Variants in BDKRB2 observed in about 807,000 individuals in gnomAD.
The protein encoded by BDKRB2 is bradykinin receptor B2.
A neutral mutation model predicts 4.0 loss-of-function variants in BDKRB2; 6 were observed. The observed-to-expected ratio is 1.49, with a 90% CI of 0.81 to 2.93. BDKRB2 has a LOEUF of 2.93. Among genes scored for constraint, BDKRB2 ranks in the 30% most tolerant of loss-of-function variants. The pLI is 0.00. For synonymous variants in BDKRB2, 225 were observed against 215.3 expected (o/e 1.05, Z -0.40); for missense variants, 478 against 520.1 (o/e 0.92, Z 0.79).
chr14:96,205,608 G>A (rs1890159594), intron 1 of BDKRB2, among the ~76,000 whole-genome samples: 1 of 152,158 alleles, frequency 6.6e-6, no homozygotes, highest in South Asian at 2.1e-4. Flanking sequence ...AGGGGGATAG[G>A]ATGGTGCAGG....
At chr14:96,226,873 C>T (rs759615698) in intron 1 of BDKRB2, among the ~76,000 whole-genome samples, 6 of 152,186 alleles carry the variant, frequency 3.9e-5, no homozygotes, top group Admixed American at 6.5e-5. Context: ...ATTCCAACGG[C>T]GGAAGAAAGA....
chr14:96,206,049 T>C (rs1434456093), intron 1 of BDKRB2, among the ~76,000 whole-genome samples: 1 of 152,076 alleles, frequency 6.6e-6, no homozygotes, highest in Admixed American at 6.5e-5. Context: ...GCTTAGGTGG[T>C]GGGGGAACAG....
At chr14:96,229,346 G>A (rs1178786879) in intron 1 of BDKRB2, among the ~76,000 whole-genome samples, 1 of 152,152 alleles carries the variant, frequency 6.6e-6, no homozygotes, top group Non-Finnish European at 1.5e-5. Flanking sequence ...ACTGGCTTAT[G>A]TGATTGTAGG....
intron 1 of BDKRB2, among the ~76,000 whole-genome samples, chr14:96,229,474 TC>T (rs1890769866): frequency 6.6e-6 from 1 of 152,150 alleles, no homozygotes; most frequent in Non-Finnish European, 1.5e-5. Flanking sequence ...CTGCTCTAAG[TC>T]CTTTCAACTG....
chr14:96,219,587 A>C (rs1890508226), intron 1 of BDKRB2, among the ~76,000 whole-genome samples: 1 of 151,920 alleles, frequency 6.6e-6, no homozygotes, highest in East Asian at 1.9e-4. Flanking sequence ...GTAGCAAAAA[A>C]AAAAAAGAGA....
chr14:96,206,348 T>A (rs999421032), intron 1 of BDKRB2, among the ~76,000 whole-genome samples: 1 of 152,154 alleles, frequency 6.6e-6, no homozygotes, highest in Non-Finnish European at 1.5e-5. Flanking sequence ...AGCCTCTCAC[T>A]GCACTGATGA....
chr14:96,229,422 G>A (rs1166705358), intron 1 of BDKRB2, among the ~76,000 whole-genome samples: 1 of 152,132 alleles, frequency 6.6e-6, no homozygotes, highest in Non-Finnish European at 1.5e-5. Context: ...CGAAGCTCCT[G>A]CCCGCAAGCT....
At chr14:96,234,859 TG>T (rs1306936779) in intron 1 of BDKRB2, among the ~76,000 whole-genome samples, 1 of 152,128 alleles carries the variant, frequency 6.6e-6, no homozygotes, top group African/African-American at 2.4e-5. Flanking sequence ...ATGACTGAGC[TG>T]TGAGGACCTG....
In BDKRB2 at chr14:96,243,502, C is replaced by G. The variant is rs952559746; in HGVS notation, c.*1998C>G. On this transcript the variant is annotated 3_prime_UTR_variant, in exon 3 of 3. Transcript: ENST00000554311. Reference sequence around the variant, plus strand: ...CCTGGAGGGCTAGAACCTGGAAGGGCTAGAACCTGTAGAGCTAGAACATGG... The same window carrying G: ...CCTGGAGGGCTAGAACCTGGAAGGGGTAGAACCTGTAGAGCTAGAACATGG... 1.4e-5 allele frequency: 2 copies of G among 146,056 alleles called. No homozygotes were observed. The highest frequency in any genetic ancestry group is 5.0e-5 in the African/African-American group (2 of 40,066). 9.0% of individuals were successfully genotyped at this position (146,056 alleles called of 1,614,324 possible).
chr14:96,242,041 T>A lies in BDKRB2; in HGVS notation c.*537T>A, dbSNP rs1885306084. On this transcript the variant is annotated 3_prime_UTR_variant, in exon 3 of 3. Coordinates refer to ENST00000554311, the MANE Select transcript of BDKRB2 (RefSeq NM_001379692.1). ...GATAACAACCTGGAGACCAGGATTT[T>A]ATGGCTCCCCTCACTGATGGACAAG... 6.5e-6 allele frequency: 1 copy of A among 153,010 alleles called. No individual in the cohort carries two copies. Among genetic ancestry groups the A allele is most frequent in the Non-Finnish European group, 1.5e-5 (1 of 68,638 alleles). 9.5% of individuals were successfully genotyped at this position (153,010 alleles called of 1,614,324 possible).
chr14:96,226,251 C>G (rs979623015), intron 1 of BDKRB2, among the ~76,000 whole-genome samples: 2 of 152,232 alleles, frequency 1.3e-5, no homozygotes, highest in Admixed American at 1.3e-4. Flanking sequence ...ACCCCCACTA[C>G]CCCTCTGCCT....
chr14:96,208,660 A>G (rs1890240701), intron 1 of BDKRB2, among the ~76,000 whole-genome samples: 1 of 152,202 alleles, frequency 6.6e-6, no homozygotes, highest in South Asian at 2.1e-4. Flanking sequence ...GCTTTGCAGT[A>G]AGGCCATGGC....
chr14:96,238,881 G>T, intron 2 of BDKRB2: 1 of 986,734 alleles, frequency 1.0e-6, no homozygotes, highest in Non-Finnish European at 1.2e-6. Flanking sequence ...AGGCAGGGCA[G>T]GGGCCGGGTG....
intron 1 of BDKRB2, among the ~76,000 whole-genome samples, chr14:96,221,046 AC>A (rs1689941979): frequency 6.6e-6 from 1 of 151,812 alleles, no homozygotes; most frequent in Non-Finnish European, 1.5e-5. Context: ...TCCCAACTCC[AC>A]CCATCACCAG....
Position 96,205,498 on chromosome 14 carries a change from G to A in BDKRB2, c.-40+539G>A, listed in dbSNP as rs190788687. ...ATCAGAAGCAGGCGGGGGTGGGGGG[G>A]TTTGTGAATGTTGGCTGATGCGCCT... On this transcript the variant is annotated intron_variant, in intron 1 of 2. Coordinates refer to ENST00000554311, the MANE Select transcript of BDKRB2 (RefSeq NM_001379692.1). 2.7e-3 allele frequency among the ~76,000 whole-genome samples: 415 copies of A among 151,974 alleles called. 3 individuals are homozygous for A. The highest frequency in any genetic ancestry group is 9.2e-3 in the African/African-American group (381 of 41,448).
At chr14:96,231,405 A>C (rs1406365804) in intron 1 of BDKRB2, among the ~76,000 whole-genome samples, 4 of 152,172 alleles carry the variant, frequency 2.6e-5, no homozygotes, top group African/African-American at 9.7e-5. Flanking sequence ...TTTTCAGGGA[A>C]GAAAAGAAAA....
chr14:96,238,508 C>A, intron 2 of BDKRB2: 2 of 985,602 alleles, frequency 2.0e-6, no homozygotes, highest in Non-Finnish European at 2.4e-6. Flanking sequence ...CTTCTTATAC[C>A]ATCACTGTAG....
At chr14:96,224,094 A>C (rs1890640199) in intron 1 of BDKRB2, among the ~76,000 whole-genome samples, 1 of 151,300 alleles carries the variant, frequency 6.6e-6, no homozygotes, top group Non-Finnish European at 1.5e-5. Context: ...ATAGTGAAAT[A>C]TTTACAGATG....
intron 1 of BDKRB2, among the ~76,000 whole-genome samples, chr14:96,214,145 CT>C (rs907407794): frequency 3.3e-5 from 5 of 152,188 alleles, no homozygotes; most frequent in African/African-American, 1.2e-4. Context: ...TGCATGTCCC[CT>C]CACTCCCTGC....
Sources: allele counts gnomAD v4.1 joint callset (sites outside exome capture counted in the v4.1 genomes callset), GRCh38; gene constraint gnomAD v4.1.1; transcripts MANE v1.5; gene names NCBI Gene and HGNC (gene_info 2026-07-23, HGNC 2026-07-21).